Variants in ZNF48 observed in about 807,000 individuals in gnomAD.
ZNF48 encodes zinc finger protein 553.
ZNF48 carries 20 observed loss-of-function variants against 40.0 expected under a neutral mutation model. The observed-to-expected ratio is 0.50, with a 90% CI of 0.35 to 0.73. The LOEUF (loss-of-function observed/expected upper bound fraction) is 0.73, where lower values mean the gene tolerates loss of function less well. Among genes scored for constraint, ZNF48 ranks in the 30% least tolerant of loss-of-function variants. The pLI is 0.01. For missense variants in ZNF48, 726 were observed against 851.9 expected, an observed-to-expected ratio of 0.85 and a Z score of 1.84; for synonymous variants, 298 against 329.7, an observed-to-expected ratio of 0.90 and a Z score of 1.04.
chr16:30,379,666 T>TTTTTTTTTG (rs2049814819), intron 1 of ZNF48: 2 of 615,998 alleles, frequency 3.2e-6, no homozygotes, highest in African/African-American at 4.7e-5. Context: ...TTTTTTTTTT[T>TTTTTTTTTG]GAGACAGGGT....
rs2049863927 is a variant in ZNF48 at position 30,382,452 on chromosome 16, C to G, written c.-16+4042C>G. 6.4e-7 allele frequency: 1 copy of G among 1,566,710 alleles called. No individual in the cohort carries two copies. The highest frequency in any genetic ancestry group is 8.7e-7 in the Non-Finnish European group (1 of 1,144,980). On this transcript the variant is annotated intron_variant, in intron 1 of 2. Transcript: ENST00000528032. This position sits in a 1 kb window ranked among gnomAD's most constrained non-coding sequence, Gnocchi z 4.8. Reference sequence around the variant, plus strand: ...CTTGAGTTCCTGGGCTAGGAAGAGTCAGTGGGGTCTGGGGACCCCAGGCAT... The same window carrying G: ...CTTGAGTTCCTGGGCTAGGAAGAGTGAGTGGGGTCTGGGGACCCCAGGCAT...
At chr16:30,391,854 G>A (rs1171687492), upstream of ZNF48, among the ~76,000 whole-genome samples, 1 of 139,470 alleles carries the variant, frequency 7.2e-6, no homozygotes, top group Non-Finnish European at 1.6e-5. Context: ...GGGGGTGGGG[G>A]TGGGATAGGG....
chr16:30,378,400 GCGGAGC>G, exon 1 of ZNF48: 1 of 1,529,548 alleles, frequency 6.5e-7, no homozygotes, highest in Non-Finnish European at 8.7e-7. Context: ...CCGACTGAAG[GCGGAGC>G]CGAGGTAAGG....
At chr16:30,380,768 T>C (rs1190407909) in intron 1 of ZNF48, 1 of 267,766 alleles carries the variant, frequency 3.7e-6, no homozygotes, top group East Asian at 9.4e-5. Context: ...AGACTCTATC[T>C]AAAAAAAAAA....
chr16:30,378,446 T>C, intron 1 of ZNF48: 4 of 1,572,654 alleles, frequency 2.5e-6, no homozygotes, highest in Non-Finnish European at 2.6e-6. Flanking sequence ...AGAGGGCGTC[T>C]GACTGCTCGC....
In ZNF48 at chr16:30,399,221, G is replaced by A; in HGVS notation, c.*114G>A. The A allele has an allele frequency of 2.0e-6, 2 of 1,020,474 alleles. No homozygotes were observed. Among genetic ancestry groups the A allele is most frequent in the East Asian group, 2.6e-5 (1 of 38,826 alleles). 63.2% of individuals were successfully genotyped at this position (1,020,474 alleles called of 1,614,324 possible). A position where few individuals can be genotyped will look rare whatever the true frequency, so the allele number is the denominator to read the frequency against. On this transcript the variant is annotated 3_prime_UTR_variant, in exon 3 of 3. Coordinates refer to ENST00000613509, the MANE Select transcript of ZNF48 (RefSeq NM_001214909.2). Reference sequence around the variant, plus strand: ...GGGAGAAGGAAGGGAAGAAAGGGGAGGAAGAATAGATAGAAATAGGGATTG... The same window carrying A: ...GGGAGAAGGAAGGGAAGAAAGGGGAAGAAGAATAGATAGAAATAGGGATTG...
Position 30,400,018 on chromosome 16 carries a change from GA to G in ZNF48, c.*912del, listed in dbSNP as rs2050036945. On this transcript the variant is annotated 3_prime_UTR_variant, in exon 3 of 3. Coordinates refer to ENST00000613509, the MANE Select transcript of ZNF48 (RefSeq NM_001214909.2). ...TACACACAGGCATGAAAAAGGTGGA[GA>G]GGGGTCTCTGCGCGCAAAACTCAGA... 1 of 152,274 alleles carries G rather than the reference GA, an allele frequency of 6.6e-6. No individual in the cohort carries two copies. Among genetic ancestry groups the G allele is most frequent in the African/African-American group, 2.4e-5 (1 of 41,454 alleles). The allele number at this position is 152,274 out of a possible 1,614,324, so 9.4% of individuals were successfully genotyped here.
At chr16:30,396,035 G>T in intron 2 of ZNF48, 162 bp downstream of exon 2, 2 of 670,440 alleles carry the variant, frequency 3.0e-6, no homozygotes, top group Non-Finnish European at 4.6e-6. Flanking sequence ...CGCCAGGCCG[G>T]GAGGGGCTCT....
upstream of ZNF48, among the ~76,000 whole-genome samples, chr16:30,391,928 C>T (rs534019275): frequency 6.6e-6 from 1 of 152,272 alleles, no homozygotes; most frequent in Admixed American, 6.5e-5. Flanking sequence ...ACTTTCACCT[C>T]CCGCGCCCAA....
At chr16:30,392,961 C>T (rs115430525), upstream of ZNF48, among the ~76,000 whole-genome samples, 34 of 152,290 alleles carry the variant, frequency 2.2e-4, no homozygotes, top group African/African-American at 7.9e-4. Context: ...GTGTTGATTT[C>T]TGGTCCCTGT....
rs756635061 is a variant in ZNF48 at position 30,398,025 on chromosome 16, C to T, written c.775C>T (p.Arg259Trp). 20 of 1,612,104 alleles carry T rather than the reference C, an allele frequency of 1.2e-5. No individual in the cohort carries two copies. Among genetic ancestry groups the T allele is most frequent in the African/African-American group, 2.7e-5 (2 of 74,918 alleles). ...RPVVPRRQPS[R>W]AATAATQGPK... Reference sequence around the variant, plus strand: ...AGTGGTGCCCCGACGGCAGCCATCTCGGGCAGCCACGGCAGCTACCCAGGG... The same window carrying T: ...AGTGGTGCCCCGACGGCAGCCATCTTGGGCAGCCACGGCAGCTACCCAGGG... The change falls in exon 3 of 3, where the codon CGG becomes TGG. Residue 259 changes from arginine to tryptophan, a missense_variant. Transcript: ENST00000613509. The surrounding 1 kb of genome is among the most constrained non-coding windows in gnomAD (Gnocchi z 6.6).
At chr16:30,389,769 G>A (rs2049927850) in intron 1 of ZNF48, among the ~76,000 whole-genome samples, 1 of 142,736 alleles carries the variant, frequency 7.0e-6, no homozygotes, top group Non-Finnish European at 1.5e-5. Context: ...GCAGTGTGTG[G>A]TGGACAGCTC....
In ZNF48 at chr16:30,386,991, G is replaced by A. The variant is rs1388856188; in HGVS notation, c.-16+8581G>A. Among the ~76,000 whole-genome samples the A allele has an allele frequency of 5.8e-5, 8 of 138,794 alleles. No homozygotes were observed. In the Admixed American group the frequency reaches 6.1e-4, roughly 11 times the overall value. The allele number at this position is 138,794 out of a possible 152,430, so 91.1% of individuals were successfully genotyped here. A position where few individuals can be genotyped will look rare whatever the true frequency, so the allele number is the denominator to read the frequency against. ...AGAGTCTTGCTCTGTCACTCAGGCCGGAGTGCAGTGGCACGATCTTGGCTC... is the reference window on the plus strand; with the variant it reads ...AGAGTCTTGCTCTGTCACTCAGGCCAGAGTGCAGTGGCACGATCTTGGCTC... On this transcript the variant is annotated intron_variant, in intron 1 of 2. Transcript: ENST00000528032.
At chr16:30,379,512 A>C (rs747625480) in intron 1 of ZNF48, 1 of 1,613,726 alleles carries the variant, frequency 6.2e-7, no homozygotes, top group East Asian at 2.2e-5. Context: ...GCATGATCCC[A>C]CGACTGCAAA....
At position 30,395,775 on chromosome 16, in the gene ZNF48, C is replaced by G; in HGVS notation, c.-15-5C>G. The G allele has an allele frequency of 6.5e-7, 1 of 1,531,210 alleles. No homozygotes were observed. The highest frequency in any genetic ancestry group is 8.8e-7 in the Non-Finnish European group (1 of 1,141,388). 94.9% of individuals were successfully genotyped at this position (1,531,210 alleles called of 1,614,324 possible). On this transcript the variant is annotated splice_region_variant and splice_polypyrimidine_tract_variant and intron_variant, in intron 1 of 2. Transcript: ENST00000613509. This position sits in a 1 kb window ranked among gnomAD's most constrained non-coding sequence, Gnocchi z 5.9. ...CCGCGGGATGCTGTCTGTCCCCTTG[C>G]TCAGGGCGGCGTGCCGGCGATGGAG...
At position 30,395,668 on chromosome 16, in the gene ZNF48, C is replaced by T; in HGVS notation, c.-16+90C>T. 1.1e-6 allele frequency: 1 copy of T among 903,748 alleles called. No homozygotes were observed. Among genetic ancestry groups the T allele is most frequent in the Non-Finnish European group, 1.4e-6 (1 of 703,568 alleles). 56.0% of individuals were successfully genotyped at this position (903,748 alleles called of 1,614,324 possible). ...GGGGCACCGGGAGCCGCGCCCGTACCTGGGACCCGACGCCGCCCGGTGCCC... is the reference window on the plus strand; with the variant it reads ...GGGGCACCGGGAGCCGCGCCCGTACTTGGGACCCGACGCCGCCCGGTGCCC... On this transcript the variant is annotated intron_variant, in intron 1 of 2. Transcript: ENST00000613509. The surrounding 1 kb of genome is among the most constrained non-coding windows in gnomAD (Gnocchi z 5.9).
rs1419467678 is a variant in ZNF48 at position 30,379,719 on chromosome 16, G to A, written c.-16+1309G>A. 2 of 537,472 alleles carry A rather than the reference G, an allele frequency of 3.7e-6. 1 individual carries two copies. Among genetic ancestry groups the A allele is most frequent in the African/African-American group, 4.6e-5 (2 of 43,534 alleles). The allele number at this position is 537,472 out of a possible 1,614,324, so 33.3% of individuals were successfully genotyped here. A position where few individuals can be genotyped will look rare whatever the true frequency, so the allele number is the denominator to read the frequency against. On this transcript the variant is annotated intron_variant, in intron 1 of 2. Coordinates refer to the ZNF48 transcript ENST00000528032. The stretch of plus-strand genomic sequence containing the variant: ...GCTGGAGTGTTCAAGTGATTCTCCT[G>A]CCTCAGCCTCCCGAGTAGCTGGAAT...
intron 1 of ZNF48, among the ~76,000 whole-genome samples, chr16:30,383,281 C>T (rs1183998281): frequency 2.0e-5 from 3 of 151,834 alleles, no homozygotes; most frequent in Admixed American, 6.6e-5. Flanking sequence ...CTCCACCTCC[C>T]GGGTTCCCGC....
At chr16:30,390,860 G>T (rs2049937575), upstream of ZNF48, among the ~76,000 whole-genome samples, 1 of 151,664 alleles carries the variant, frequency 6.6e-6, no homozygotes, top group Admixed American at 6.6e-5. Flanking sequence ...TCCTGACCTC[G>T]TGATCTGCCC....
Sources: allele counts gnomAD v4.1 joint callset (sites outside exome capture counted in the v4.1 genomes callset), GRCh38; gene constraint gnomAD v4.1.1; non-coding constraint Gnocchi (gnomAD v3.1); transcripts MANE v1.5; gene names NCBI Gene and HGNC (gene_info 2026-07-23, HGNC 2026-07-21).